MLXIP: variants seen among roughly 807,000 people sequenced by gnomAD.
MLXIP encodes MLX interacting protein, also known as MLX-interacting protein.
A neutral mutation model predicts 87.2 loss-of-function variants in MLXIP; 30 were observed. The ratio of observed to expected loss-of-function variants is 0.34; its 90% CI spans 0.26 to 0.47. MLXIP has a LOEUF of 0.47. Ranked by LOEUF, MLXIP falls within the 20% of genes least tolerant of loss-of-function variation. The pLI, the probability that MLXIP is intolerant of heterozygous loss-of-function variation, is 1.00. For missense variants in MLXIP, 1,002 were observed against 1,240.1 expected, an observed-to-expected ratio of 0.81 and a Z score of 2.88; for synonymous variants, 530 against 514.0, an observed-to-expected ratio of 1.03 and a Z score of -0.42.
rs148366404 is a variant in MLXIP, at chr12:122,097,239, C to T, written c.413+17973C>T. 7.9e-3 allele frequency among the ~76,000 whole-genome samples: 1,198 copies of T among 152,216 alleles called. 15 individuals are homozygous for T. The highest frequency in any genetic ancestry group is 0.027 in the African/African-American group (1,142 of 41,542). On this transcript the variant is annotated intron_variant, in intron 1 of 16. Transcript: ENST00000319080. Reference sequence around the variant, plus strand: ...GGAGTGCAATGGTGTGATCACAGCTCACTGCAGCGTTGAACCCCTGTGCTT... The same window carrying T: ...GGAGTGCAATGGTGTGATCACAGCTTACTGCAGCGTTGAACCCCTGTGCTT...
At position 122,142,547 on chromosome 12, in the gene MLXIP, A is replaced by G; in HGVS notation, c.*735A>G. The G allele has an allele frequency of 2.9e-6, 1 of 344,478 alleles. No individual in the cohort carries two copies. Among genetic ancestry groups the G allele is most frequent in the South Asian group, 2.2e-5 (1 of 44,710 alleles). The allele number at this position is 344,478 out of a possible 1,614,324, so 21.3% of individuals were successfully genotyped here. On this transcript the variant is annotated 3_prime_UTR_variant, in exon 17 of 17. Transcript: ENST00000319080. ...CTGTCCCCTTTTAGCTCCACCTGAC[A>G]TTGCAGGATCCATGGGGACTCAGCC...
intron 1 of MLXIP, among the ~76,000 whole-genome samples, chr12:122,123,300 C>A (rs528398706): frequency 6.6e-6 from 1 of 152,174 alleles, no homozygotes; most frequent in Non-Finnish European, 1.5e-5. Flanking sequence ...GGGTGCAGGC[C>A]GTCGACCCTT....
chr12:122,120,500 A>G (rs1952761349), intron 1 of MLXIP, among the ~76,000 whole-genome samples: 1 of 152,236 alleles, frequency 6.6e-6, no homozygotes, highest in South Asian at 2.1e-4. Context: ...TGCTGGGATT[A>G]CAAGTGGGGA....
At chr12:122,130,151 C>T (rs777183575) in intron 6 of MLXIP, 39 bp downstream of exon 6, 32 of 1,580,088 alleles carry the variant, frequency 2.0e-5, no homozygotes, top group East Asian at 4.6e-5. Context: ...AACAGCCAGC[C>T]GCTTCCTTCT....
chr12:122,093,215 G>T (rs1952275837), intron 1 of MLXIP, among the ~76,000 whole-genome samples: 2 of 151,234 alleles, frequency 1.3e-5, no homozygotes, highest in East Asian at 3.9e-4. Flanking sequence ...GTGTGTTGGT[G>T]TGTGGTGTGT....
At chr12:122,102,154 C>T (rs1050304703) in intron 1 of MLXIP, among the ~76,000 whole-genome samples, 2 of 152,016 alleles carry the variant, frequency 1.3e-5, no homozygotes, top group African/African-American at 4.8e-5. Context: ...TTAGAAAAGA[C>T]AGCCCCTAGA....
intron 1 of MLXIP, among the ~76,000 whole-genome samples, chr12:122,087,566 G>C (rs969681534): frequency 1.3e-5 from 2 of 152,208 alleles, no homozygotes; most frequent in African/African-American, 4.8e-5. Flanking sequence ...TTGGCGCATT[G>C]CAAGGTTAGA....
intron 1 of MLXIP, among the ~76,000 whole-genome samples, chr12:122,116,837 G>A (rs1952699812): frequency 6.6e-6 from 1 of 152,146 alleles, no homozygotes; most frequent in Non-Finnish European, 1.5e-5. Context: ...GGCTGGGCCG[G>A]GCCAGCCTGG....
chr12:122,126,365 C>T (rs946988878), intron 1 of MLXIP, among the ~76,000 whole-genome samples: 1 of 152,164 alleles, frequency 6.6e-6, no homozygotes, highest in African/African-American at 2.4e-5. Context: ...TGAGACCGTC[C>T]CCGAGTGGAG....
rs1300086463 is a variant in MLXIP at position 122,129,934 on chromosome 12, G to A, written c.739-7G>A. 1.9e-6 allele frequency: 3 copies of A among 1,609,986 alleles called. No individual in the cohort carries two copies. The highest frequency in any genetic ancestry group is 2.5e-6 in the Non-Finnish European group (3 of 1,177,328). Reference sequence around the variant, plus strand: ...ATGCTTCCTCCCCTGTGTTGGTGTTGTGTTAGGACGATGACATGCTGTATT... The same window carrying A: ...ATGCTTCCTCCCCTGTGTTGGTGTTATGTTAGGACGATGACATGCTGTATT... On this transcript the variant is annotated splice_polypyrimidine_tract_variant and splice_region_variant and intron_variant, in intron 5 of 16. Coordinates refer to ENST00000319080, the MANE Select transcript of MLXIP (RefSeq NM_014938.6).
At chr12:122,118,730 C>T (rs1360407758) in intron 1 of MLXIP, among the ~76,000 whole-genome samples, 2 of 151,290 alleles carry the variant, frequency 1.3e-5, no homozygotes, top group Non-Finnish European at 2.9e-5. Context: ...CGCCTGTTAT[C>T]CCAGCTACTC....
intron 1 of MLXIP, among the ~76,000 whole-genome samples, chr12:122,092,874 C>T (rs1173707019): frequency 6.6e-6 from 1 of 152,046 alleles, no homozygotes; most frequent in Non-Finnish European, 1.5e-5. Context: ...GTTATGTTAC[C>T]TATCTTCGGC....
intron 1 of MLXIP, among the ~76,000 whole-genome samples, chr12:122,083,217 C>T (rs1246204257): frequency 2.0e-5 from 3 of 151,978 alleles, no homozygotes; most frequent in African/African-American, 7.3e-5. Context: ...TTTCAGGGAG[C>T]GTTGGTATGA....
At chr12:122,131,007 C>A in intron 7 of MLXIP, 74 bp downstream of exon 7, 2 of 1,001,614 alleles carry the variant, frequency 2.0e-6, no homozygotes, top group Non-Finnish European at 1.6e-6. Flanking sequence ...TCGCTGCCTT[C>A]CTTTAAGAGG....
intron 1 of MLXIP, among the ~76,000 whole-genome samples, chr12:122,091,429 G>A (rs1952243247): frequency 6.6e-6 from 1 of 152,178 alleles, no homozygotes; most frequent in Admixed American, 6.5e-5. Context: ...CGGGTGCAGT[G>A]GCTCAGGCCT....
intron 1 of MLXIP, among the ~76,000 whole-genome samples, chr12:122,127,055 C>T (rs561912603): frequency 1.6e-3 from 238 of 152,192 alleles, no homozygotes; most frequent in African/African-American, 5.1e-3. Context: ...CTGCCCTCCG[C>T]GCCCTGACAG....
At chr12:122,096,021 C>T (rs1260639551) in intron 1 of MLXIP, among the ~76,000 whole-genome samples, 4 of 151,996 alleles carry the variant, frequency 2.6e-5, no homozygotes, top group African/African-American at 4.8e-5. Flanking sequence ...TGGGCCACCA[C>T]GTATTTTTTC....
chr12:122,095,225 GTGTGTGGGA>G (rs1358479161), intron 1 of MLXIP, among the ~76,000 whole-genome samples: 1 of 150,550 alleles, frequency 6.6e-6, no homozygotes, highest in Non-Finnish European at 1.5e-5. Context: ...GTGTTGGTTT[GTGTGTGGGA>G]TGTGTGGGTA....
At chr12:122,080,480 A>G (rs1256426296) in intron 1 of MLXIP, among the ~76,000 whole-genome samples, 1 of 152,136 alleles carries the variant, frequency 6.6e-6, no homozygotes, top group East Asian at 1.9e-4. Context: ...AAAATATTAG[A>G]TACTTAGCCC....
Sources: gnomAD v4.1 joint callset for allele counts (sites outside exome capture counted in the v4.1 genomes callset) on GRCh38, gnomAD v4.1.1 for gene constraint, MANE v1.5 for transcripts, NCBI Gene and HGNC (gene_info 2026-07-23, HGNC 2026-07-21) for gene names.